The following DCLK2 variants were observed in gnomAD, a reference collection of about 807,000 sequenced individuals.
The protein encoded by DCLK2 is serine/threonine-protein kinase DCLK2.
DCLK2 carries 31 observed loss-of-function variants against 78.4 expected under a neutral mutation model. The observed-to-expected ratio is 0.40, with a 90% CI of 0.30 to 0.53. DCLK2 has a LOEUF of 0.53. Among genes scored for constraint, DCLK2 ranks in the 20% least tolerant of loss-of-function variants. DCLK2 has a pLI of 0.61. For missense variants in DCLK2, 872 were observed against 973.7 expected, an observed-to-expected ratio of 0.90 and a Z score of 1.39; for synonymous variants, 407 against 374.9, an observed-to-expected ratio of 1.09 and a Z score of -0.99.
At chr4:150,201,626 C>T (rs1739455539) in intron 4 of DCLK2, among the ~76,000 whole-genome samples, 1 of 152,106 alleles carries the variant, frequency 6.6e-6, no homozygotes, top group South Asian at 2.1e-4. Context: ...GGAGACTGAT[C>T]TACTGCAGAG....
intron 2 of DCLK2, among the ~76,000 whole-genome samples, chr4:150,121,391 C>T (rs532109719): frequency 7.2e-5 from 11 of 152,286 alleles, no homozygotes; most frequent in Admixed American, 3.3e-4. Flanking sequence ...GAGTAGATTC[C>T]ACCTCAAGGC....
chr4:150,091,351 T>G (rs575682106), intron 1 of DCLK2, among the ~76,000 whole-genome samples: 1 of 152,342 alleles, frequency 6.6e-6, no homozygotes, highest in African/African-American at 2.4e-5. Flanking sequence ...TCCTAAGATT[T>G]TACTGATGTT....
rs116670285 is a variant in DCLK2, at chr4:150,252,512, G to A, written c.2073+2828G>A. On this transcript the variant is annotated intron_variant, in intron 15 of 15. Transcript: ENST00000296550. ...AATCAGTGGCCATAGGCCTGTGCCC[G>A]GCCTCTTTATGGCTGGCTCTCAGCT... Among the ~76,000 whole-genome samples the A allele has an allele frequency of 3.9e-3, 593 of 152,278 alleles. 1 individual carries two copies. Among genetic ancestry groups the A allele is most frequent in the African/African-American group, 0.013 (546 of 41,556 alleles).
chr4:150,113,625 T>G (rs1471270472), intron 2 of DCLK2, among the ~76,000 whole-genome samples: 1 of 152,152 alleles, frequency 6.6e-6, no homozygotes, highest in Non-Finnish European at 1.5e-5. Flanking sequence ...ATTGAGTGTA[T>G]TTGAATCTTC....
chr4:150,235,958 C>A (rs899268334), intron 10 of DCLK2, among the ~76,000 whole-genome samples: 1 of 152,094 alleles, frequency 6.6e-6, no homozygotes, highest in Non-Finnish European at 1.5e-5. Context: ...CCTGGTGGTA[C>A]CGTGTCAGAG....
At chr4:150,190,256 TAGATAGATAGATAGA>T (rs1560850931) in intron 2 of DCLK2, among the ~76,000 whole-genome samples, 1 of 36,228 alleles carries the variant, frequency 2.8e-5, no homozygotes, top group African/African-American at 6.7e-5. Flanking sequence ...GATAGATAGA[TAGATAGATAGATAGA>T]TAGATAGATA....
intron 12 of DCLK2, among the ~76,000 whole-genome samples, chr4:150,246,041 T>G (rs1472567942): frequency 1.5e-5 from 2 of 129,530 alleles, no homozygotes; most frequent in African/African-American, 5.4e-5. Flanking sequence ...GCTCACAAAC[T>G]CTACTCTTTT....
intron 3 of DCLK2, among the ~76,000 whole-genome samples, chr4:150,193,576 G>A (rs912862168): frequency 1.3e-5 from 2 of 152,190 alleles, no homozygotes; most frequent in Non-Finnish European, 2.9e-5. Flanking sequence ...GTGGTTGGCT[G>A]TGCCAACTTA....
At position 150,248,316 on chromosome 4, in the gene DCLK2, T is replaced by A. The variant is rs543464474; in HGVS notation, c.1887T>A (p.Ser629Arg). 5 of 1,613,938 alleles carry A rather than the reference T, an allele frequency of 3.1e-6. No individual in the cohort carries two copies. The African/African-American group carries it at 4.0e-5, about 13-fold the overall frequency. Residue 629 changes from serine (S) to arginine (R), a missense_variant, in exon 14 of 16, where the codon AGT (serine) becomes AGA (arginine). Coordinates refer to ENST00000296550, the MANE Select transcript of DCLK2 (RefSeq NM_001040260.4). ...NITDSAKELI[S>R]QMLQVNVEAR... is the part of the protein sequence containing the mutation. Reference sequence around the variant, plus strand: ...TTGTTTATTTGTAGGAATTAATCAGTCAAATGCTTCAGGTAAATGTTGAAG... The same window carrying A: ...TTGTTTATTTGTAGGAATTAATCAGACAAATGCTTCAGGTAAATGTTGAAG...
chr4:150,118,216 A>G (rs1732246893), intron 2 of DCLK2, among the ~76,000 whole-genome samples: 1 of 152,124 alleles, frequency 6.6e-6, no homozygotes, highest in African/African-American at 2.4e-5. Context: ...CTTCAATGGT[A>G]ATGACGAGGG....
chr4:150,174,002 G>A (rs1736746220), intron 2 of DCLK2, among the ~76,000 whole-genome samples: 1 of 152,184 alleles, frequency 6.6e-6, no homozygotes, highest in South Asian at 2.1e-4. Context: ...TGTACTGAAG[G>A]CAAAGAAGGA....
intron 4 of DCLK2, chr4:150,199,142 T>G: frequency 1.6e-5 from 23 of 1,415,764 alleles, no homozygotes; most frequent in Non-Finnish European, 2.2e-5. Context: ...TTTGCCACTT[T>G]TCTGTTTCCT....
At chr4:150,221,199 A>G (rs1024599567) in intron 6 of DCLK2, among the ~76,000 whole-genome samples, 1 of 152,202 alleles carries the variant, frequency 6.6e-6, no homozygotes, top group African/African-American at 2.4e-5. Context: ...GCCAGGAATT[A>G]GCCTTAACAA....
At chr4:150,146,115 T>G (rs1398681931) in intron 2 of DCLK2, among the ~76,000 whole-genome samples, 2 of 152,198 alleles carry the variant, frequency 1.3e-5, no homozygotes, top group Non-Finnish European at 2.9e-5. Flanking sequence ...GGCCCTTGAC[T>G]CATTCTGAGA....
chr4:150,198,371 C>T (rs554314438), intron 4 of DCLK2, among the ~76,000 whole-genome samples: 40 of 152,232 alleles, frequency 2.6e-4, no homozygotes, highest in African/African-American at 7.2e-4. Context: ...TACATAGAAG[C>T]GTTTCACATT....
At chr4:150,193,014 T>C (rs960893212) in intron 2 of DCLK2, 124 bp from the exon 3 acceptor site, 2 of 615,246 alleles carry the variant, frequency 3.3e-6, no homozygotes, top group Non-Finnish European at 2.9e-6. Flanking sequence ...AACGTAGTTA[T>C]ATTACACAGC....
intron 4 of DCLK2, among the ~76,000 whole-genome samples, chr4:150,199,270 A>G (rs1223916545): frequency 1.3e-5 from 2 of 152,210 alleles, no homozygotes; most frequent in Non-Finnish European, 2.9e-5. Context: ...ACTGGTTATC[A>G]TCAGAAGATT....
chr4:150,171,474 C>T (rs1736526827), intron 2 of DCLK2, among the ~76,000 whole-genome samples: 2 of 152,016 alleles, frequency 1.3e-5, no homozygotes, highest in African/African-American at 4.8e-5. Flanking sequence ...GAGCGAGACT[C>T]CGTCTCAAAA....
intron 1 of DCLK2, among the ~76,000 whole-genome samples, chr4:150,095,077 A>G (rs1256732770): frequency 6.6e-6 from 1 of 152,226 alleles, no homozygotes; most frequent in African/African-American, 2.4e-5. Context: ...GCTCAGTACA[A>G]AAAGAGTGAG....
Sources: allele counts gnomAD v4.1 joint callset (sites outside exome capture counted in the v4.1 genomes callset), GRCh38; gene constraint gnomAD v4.1.1; transcripts MANE v1.5; gene names NCBI Gene and HGNC (gene_info 2026-07-23, HGNC 2026-07-21).